The following CBY1 variants were observed in gnomAD, a reference collection of about 807,000 sequenced individuals.
CBY1 encodes the protein protein chibby homolog 1.
CBY1 carries 10 observed loss-of-function variants against 15.6 expected under a neutral mutation model. The ratio of observed to expected loss-of-function variants is 0.64; its 90% CI spans 0.40 to 1.09. CBY1 has a LOEUF of 1.09. CBY1 is among the 50% of genes least tolerant of loss of function. The pLI is 0.01. For synonymous variants in CBY1, 61 were observed against 63.5 expected, an observed-to-expected ratio of 0.96 and a Z score of 0.19; for missense variants, 150 against 160.5, an observed-to-expected ratio of 0.93 and a Z score of 0.35.
chr22:38,665,765 T>C, intron 1 of CBY1: 5 of 1,199,148 alleles, frequency 4.2e-6, no homozygotes, highest in Non-Finnish European at 5.2e-6. Flanking sequence ...GCCAGTGCGT[T>C]GGTTCACACC....
At chr22:38,668,169 A>G (rs753585968) in intron 2 of CBY1, 37 bp downstream of exon 2, 2 of 1,226,484 alleles carry the variant, frequency 1.6e-6, no homozygotes, top group Non-Finnish European at 1.2e-6. Flanking sequence ...GGTGTGCAGC[A>G]TGAGTTGAGT....
At chr22:38,661,571 G>A (rs1292058429) in intron 1 of CBY1, among the ~76,000 whole-genome samples, 1 of 152,112 alleles carries the variant, frequency 6.6e-6, no homozygotes. Flanking sequence ...ATATACTTAT[G>A]TATTGTATGT....
chr22:38,667,971 G>A (rs934793531), intron 1 of CBY1, 46 bp from the exon 2 acceptor site: 3 of 984,466 alleles, frequency 3.0e-6, no homozygotes, highest in South Asian at 2.7e-5. Flanking sequence ...AATGGCATAA[G>A]GTCAGTGATC....
rs771306059 is a variant in CBY1 at position 38,670,936 on chromosome 22, C to T, written c.131C>T (p.Thr44Ile). The T allele has an allele frequency of 1.2e-6, 2 of 1,614,216 alleles. No homozygotes were observed. Among genetic ancestry groups the T allele is most frequent in the South Asian group, 1.1e-5 (1 of 91,090 alleles). Residue 44 changes from threonine to isoleucine, a missense_variant, in exon 3 of 5, where the codon ACT becomes ATT. Physicochemically the swap from Thr to Ile is moderately conservative, Grantham distance 89. Coordinates refer to ENST00000216029, the MANE Select transcript of CBY1 (RefSeq NM_015373.4). ...VELGLEYGSP[T>I]MNLAGQSLKF... ...CTGGGCTTGGAATACGGATCCCCGA[C>T]TATGAACCTGGCAGGGCAAAGCCTG...
At chr22:38,665,151 A>G (rs1218602051) in intron 1 of CBY1, among the ~76,000 whole-genome samples, 2 of 152,142 alleles carry the variant, frequency 1.3e-5, no homozygotes, top group African/African-American at 4.8e-5. Flanking sequence ...GCCTAGCAGC[A>G]CTATTTTTGG....
chr22:38,665,789 C>G (rs2092434129), intron 1 of CBY1: 5 of 1,013,880 alleles, frequency 4.9e-6, no homozygotes, highest in Non-Finnish European at 5.0e-6. Flanking sequence ...AATTCCAGCA[C>G]TTTGGGAGGC....
At position 38,673,472 on chromosome 22, in the gene CBY1, C is replaced by A; in HGVS notation, c.*236C>A. ...GCGGGTGCCAGTCTGAAAACCAGAC[C>A]GCACAGAGGCCTGGGGCTGCTGATG... On this transcript the variant is annotated 3_prime_UTR_variant, in exon 5 of 5. Coordinates refer to ENST00000216029, the MANE Select transcript of CBY1 (RefSeq NM_015373.4). The A allele has an allele frequency of 2.3e-6, 1 of 432,524 alleles. No individual in the cohort carries two copies. The highest frequency in any genetic ancestry group is 4.3e-6 in the Non-Finnish European group (1 of 230,272). The allele number at this position is 432,524 out of a possible 1,614,324, so 26.8% of individuals were successfully genotyped here. A position where few individuals can be genotyped will look rare whatever the true frequency, so the allele number is the denominator to read the frequency against.
chr22:38,664,051 GA>G (rs1362688366), intron 1 of CBY1, among the ~76,000 whole-genome samples: 1 of 151,282 alleles, frequency 6.6e-6, no homozygotes, highest in Admixed American at 6.6e-5. Context: ...AAAGCAAAAA[GA>G]AAAAAGTGGG....
chr22:38,668,118 T>C lies in CBY1; in HGVS notation c.64T>C (p.Ser22Pro). Residue 22 changes from serine (S) to proline (P), a missense_variant, in exon 2 of 5, where the codon TCC becomes CCC. By Grantham distance (74) the Ser-to-Pro change is moderately conservative. Transcript: ENST00000216029. ...ACCTCCTCGGAAGTCGGCATCTCTC[T>C]CCAACCTGCATTCTGTGAGTGTCGG... ...KTPPRKSASL[S>P]NLHSLDRSTR... 6.2e-7 allele frequency: 1 copy of C among 1,607,830 alleles called. No homozygotes were observed. The highest frequency in any genetic ancestry group is 1.7e-5 in the Admixed American group (1 of 59,994).
At position 38,673,184 on chromosome 22, in the gene CBY1, A is replaced by C. The variant is rs143902060; in HGVS notation, c.329A>C (p.His110Pro). 796 of 1,612,610 alleles carry C rather than the reference A, an allele frequency of 4.9e-4. No individual in the cohort carries two copies. Among genetic ancestry groups the C allele is most frequent in the Non-Finnish European group, 5.9e-4 (692 of 1,178,722 alleles). ...DMLSESTAES[H>P]LMEKELDELR... is the part of the protein sequence containing the mutation. ...CTTTCAGAGTCCACTGCTGAATCCC[A>C]CTTAATGGAGAAGGAACTGGATGAA... is the stretch of plus-strand genomic sequence containing the variant. Residue 110 changes from histidine to proline, a missense_variant, in exon 5 of 5, where the codon CAC becomes CCC. His to Pro is a moderately conservative substitution (Grantham distance 77, BLOSUM62 -2). Coordinates refer to ENST00000216029, the MANE Select transcript of CBY1 (RefSeq NM_015373.4).
At chr22:38,668,432 G>A (rs906979016) in intron 2 of CBY1, 10 of 226,856 alleles carry the variant, frequency 4.4e-5, no homozygotes, top group South Asian at 1.8e-4. Flanking sequence ...GTGCAGTGGC[G>A]CGATCTTGAC....
intron 2 of CBY1, 171 bp downstream of exon 2, chr22:38,668,303 TCA>T: frequency 1.8e-6 from 1 of 557,678 alleles, no homozygotes; most frequent in African/African-American, 1.9e-5. Context: ...GGAATGATCG[TCA>T]GAGCTTGTTT....
intron 1 of CBY1, chr22:38,665,674 TAC>T: frequency 2.5e-6 from 3 of 1,194,552 alleles, no homozygotes; most frequent in Non-Finnish European, 3.1e-6. Context: ...TCTGTGCATG[TAC>T]AGTGGCCAGG....
intron 4 of CBY1, 78 bp from the exon 5 acceptor site, chr22:38,673,081 T>A (rs1441819687): frequency 1.1e-6 from 1 of 948,914 alleles, no homozygotes; most frequent in African/African-American, 1.6e-5. Context: ...CTTTCCTCCG[T>A]GTGTAGGGCC....
At chr22:38,672,591 C>T (rs571940616) in intron 4 of CBY1, among the ~76,000 whole-genome samples, 1 of 152,080 alleles carries the variant, frequency 6.6e-6, no homozygotes, top group East Asian at 1.9e-4. Context: ...GCTGAGATTA[C>T]AGGCATGAGC....
At chr22:38,663,779 T>C (rs889337790) in intron 1 of CBY1, among the ~76,000 whole-genome samples, 4 of 150,908 alleles carry the variant, frequency 2.7e-5, no homozygotes, top group African/African-American at 7.3e-5. Flanking sequence ...TCCAGCACTT[T>C]AGGAGGCGGA....
chr22:38,660,793 A>G (rs1473935989), intron 1 of CBY1, among the ~76,000 whole-genome samples: 2 of 17,442 alleles, frequency 1.1e-4, no homozygotes, highest in African/African-American at 2.9e-4. Context: ...GCTGGAGCGC[A>G]ATGACACGAT....
Position 38,658,451 on chromosome 22 carries a change from AT to A in CBY1, c.-39+1703del, listed in dbSNP as rs985375235. On this transcript the variant is annotated intron_variant, in intron 1 of 4. Coordinates refer to ENST00000216029, the MANE Select transcript of CBY1 (RefSeq NM_015373.4). ...TTTCTTTTTTTTAATACACACATATATTACTTTATTTTATTTTATTTTTTTT... is the reference window on the plus strand; with the variant it reads ...TTTCTTTTTTTTAATACACACATATATACTTTATTTTATTTTATTTTTTTT... Among the ~76,000 whole-genome samples the A allele has an allele frequency of 1.7e-4, 24 of 139,618 alleles. 1 individual carries two copies. The Admixed American group carries it at 1.8e-3, about 10-fold the overall frequency. 91.6% of individuals were successfully genotyped at this position (139,618 alleles called of 152,430 possible).
In CBY1 at chr22:38,673,524, G is replaced by A; in HGVS notation, c.*288G>A. 1 of 336,720 alleles carries A rather than the reference G, an allele frequency of 3.0e-6. No individual in the cohort carries two copies. Among genetic ancestry groups the A allele is most frequent in the Non-Finnish European group, 5.8e-6 (1 of 171,330 alleles). The allele number at this position is 336,720 out of a possible 1,614,324, so 20.9% of individuals were successfully genotyped here. On this transcript the variant is annotated 3_prime_UTR_variant, in exon 5 of 5. Transcript: ENST00000216029. ...GCTTTTTGGTGCTCTCCACACACAA[G>A]CTCGCAAACACACATGTCCCAGAAT...
Sources: allele counts gnomAD v4.1 joint callset (sites outside exome capture counted in the v4.1 genomes callset), GRCh38; gene constraint gnomAD v4.1.1; transcripts MANE v1.5; gene names NCBI Gene and HGNC (gene_info 2026-07-23, HGNC 2026-07-21).